Variants in CLDN16 observed in about 807,000 individuals in gnomAD.
CLDN16 encodes claudin-16.
A neutral mutation model predicts 24.6 loss-of-function variants in CLDN16; 13 were observed. That is an observed-to-expected ratio of 0.53 (90% CI 0.34 to 0.84). The LOEUF (loss-of-function observed/expected upper bound fraction) is 0.84. Among genes scored for constraint, CLDN16 ranks in the 40% least tolerant of loss-of-function variants. The probability of loss-of-function intolerance (pLI) is 0.01; values close to 1 mark genes in which losing one functional copy is unlikely to be tolerated. For missense variants in CLDN16, 298 were observed against 292.7 expected (o/e 1.02, Z -0.13); for synonymous variants, 116 against 106.7 (o/e 1.09, Z -0.54).
At chr3:190,408,559 A>G (rs941816995) in intron 4 of CLDN16, 54 bp downstream of exon 4, 2 of 1,494,510 alleles carry the variant, frequency 1.3e-6, no homozygotes, top group African/African-American at 2.8e-5. Context: ...GTTTTTCCCA[A>G]TCCAGTGGAA....
upstream of CLDN16, among the ~76,000 whole-genome samples, chr3:190,385,425 A>G (rs1718471693): frequency 6.6e-6 from 1 of 152,166 alleles, no homozygotes; most frequent in Non-Finnish European, 1.5e-5. Flanking sequence ...AGAAATTCAC[A>G]TGCAAGCCTG....
chr3:190,306,431 G>A, the CLDN16 span: 3 of 152,136 alleles, frequency 2.0e-5, no homozygotes, highest in Non-Finnish European at 2.9e-5. Flanking sequence ...ACACCAAAAC[G>A]TATGCAGTTA....
At chr3:190,395,116 C>T (rs983499428) in intron 1 of CLDN16, among the ~76,000 whole-genome samples, 2 of 151,932 alleles carry the variant, frequency 1.3e-5, no homozygotes, top group East Asian at 1.9e-4. Context: ...GACATTTTAA[C>T]GTATGTAACC....
chr3:190,391,094 T>A (rs1718646643), intron 1 of CLDN16, among the ~76,000 whole-genome samples: 1 of 152,040 alleles, frequency 6.6e-6, no homozygotes, highest in Non-Finnish European at 1.5e-5. Flanking sequence ...CTCACTTTAA[T>A]CCATTGTTGG....
intron 2 of CLDN16, among the ~76,000 whole-genome samples, chr3:190,371,772 A>G (rs1222948725): frequency 6.6e-6 from 1 of 151,918 alleles, no homozygotes; most frequent in South Asian, 2.1e-4. Context: ...GCAGCTGGTA[A>G]TTTGCTCATT....
At chr3:190,290,993 G>T in the CLDN16 span, among the ~76,000 whole-genome samples, 4 of 152,130 alleles carry the variant, frequency 2.6e-5, no homozygotes, top group Admixed American at 6.5e-5. Context: ...AGTAATGAGG[G>T]GCTGGGTTAT....
chr3:190,297,200 A>T, the CLDN16 span, among the ~76,000 whole-genome samples: 2 of 152,008 alleles, frequency 1.3e-5, no homozygotes, highest in Non-Finnish European at 2.9e-5. Flanking sequence ...CTAAAATAGC[A>T]AAGTGGCTGC....
At chr3:190,320,848 T>C (rs908470549), upstream of CLDN16, among the ~76,000 whole-genome samples, 1 of 152,118 alleles carries the variant, frequency 6.6e-6, no homozygotes, top group Non-Finnish European at 1.5e-5. Flanking sequence ...AGACACATGA[T>C]ATAAGACAAT....
chr3:190,397,196 G>T (rs924895708), intron 1 of CLDN16, among the ~76,000 whole-genome samples: 1 of 152,032 alleles, frequency 6.6e-6, no homozygotes, highest in African/African-American at 2.4e-5. Flanking sequence ...CTTTATTATT[G>T]TACCTTAAAT....
At chr3:190,294,962 T>C in the CLDN16 span, among the ~76,000 whole-genome samples, 1 of 152,174 alleles carries the variant, frequency 6.6e-6, no homozygotes, top group Non-Finnish European at 1.5e-5. Flanking sequence ...CTTTTCTAGC[T>C]TTATTTTAAT....
At chr3:190,399,062 A>C (rs1373555840) in intron 1 of CLDN16, among the ~76,000 whole-genome samples, 1 of 152,178 alleles carries the variant, frequency 6.6e-6, no homozygotes, top group Non-Finnish European at 1.5e-5. Flanking sequence ...TTCCAACTTA[A>C]ACCTAAGGAG....
upstream of CLDN16, chr3:190,322,529 G>C: frequency 8.9e-6 from 3 of 337,486 alleles, no homozygotes; most frequent in Non-Finnish European, 1.7e-5. Context: ...GGCGGTTTCA[G>C]GGCGGCTCAC....
rs865966623 is a variant in CLDN16, at chr3:190,393,769, A to T, written c.114+5326A>T. Among the ~76,000 whole-genome samples the T allele has an allele frequency of 5.5e-3, 323 of 58,324 alleles. 1 individual carries two copies. The highest frequency in any genetic ancestry group is 0.019 in the African/African-American group (272 of 14,340). The allele number at this position is 58,324 out of a possible 152,430, so 38.3% of individuals were successfully genotyped here. A position where few individuals can be genotyped will look rare whatever the true frequency, so the allele number is the denominator to read the frequency against. On this transcript the variant is annotated intron_variant, in intron 1 of 4. Coordinates refer to ENST00000264734, the MANE Select transcript of CLDN16 (RefSeq NM_006580.4). ...TGCCTTTTTTTTTTTTTTTTTTTTT[A>T]AATCAGAATCTCTCTCTGTCGCCCA... is the stretch of plus-strand genomic sequence containing the variant.
chr3:190,339,430 G>A (rs963008935), intron 1 of CLDN16, among the ~76,000 whole-genome samples: 6 of 152,168 alleles, frequency 3.9e-5, no homozygotes, highest in African/African-American at 1.4e-4. Context: ...AAGCAAGCAG[G>A]GAGTGATGTG....
At chr3:190,315,256 T>C in the CLDN16 span, among the ~76,000 whole-genome samples, 240 of 152,256 alleles carry the variant, frequency 1.6e-3, no homozygotes, top group African/African-American at 5.2e-3. Flanking sequence ...GTCTGGAGGA[T>C]AGGGAAACCA....
intron 1 of CLDN16, among the ~76,000 whole-genome samples, chr3:190,362,902 G>A (rs185771698): frequency 1.3e-5 from 2 of 151,822 alleles, no homozygotes; most frequent in East Asian, 1.9e-4. Context: ...CTTTTAAGAT[G>A]CTCACCTTAG....
chr3:190,337,816 C>T (rs1414576998), intron 1 of CLDN16, among the ~76,000 whole-genome samples: 2 of 152,152 alleles, frequency 1.3e-5, no homozygotes, highest in Admixed American at 1.3e-4. Flanking sequence ...GCATCTCATA[C>T]AATATCACTT....
chr3:190,366,087 A>G (rs1388721454), intron 1 of CLDN16, among the ~76,000 whole-genome samples: 2 of 151,862 alleles, frequency 1.3e-5, no homozygotes, highest in African/African-American at 4.8e-5. Context: ...TTCTCAATCA[A>G]TGCTTTCTGG....
At chr3:190,300,795 G>C in the CLDN16 span, among the ~76,000 whole-genome samples, 2 of 152,014 alleles carry the variant, frequency 1.3e-5, no homozygotes, top group African/African-American at 2.4e-5. Flanking sequence ...AAACTGACAC[G>C]TTTGGTTTCT....
Sources: gnomAD v4.1 joint callset for allele counts (sites outside exome capture counted in the v4.1 genomes callset) on GRCh38, gnomAD v4.1.1 for gene constraint, MANE v1.5 for transcripts, NCBI Gene and HGNC (gene_info 2026-07-23, HGNC 2026-07-21) for gene names.